The following XPO7 variants were observed in gnomAD, a reference collection of about 807,000 sequenced individuals.
The protein encoded by XPO7 is exportin 7, also known as exportin-7.
XPO7 carries 21 observed loss-of-function variants against 144.3 expected under a neutral mutation model. The observed-to-expected ratio is 0.15, with a 90% CI of 0.10 to 0.21. The LOEUF is 0.21. XPO7 is among the 10% of genes least tolerant of loss of function. The probability of loss-of-function intolerance (pLI) is 1.00; values close to 1 mark genes in which losing one functional copy is unlikely to be tolerated. For missense variants in XPO7, 808 were observed against 1,325.8 expected, an observed-to-expected ratio of 0.61 and a Z score of 6.06; for synonymous variants, 580 against 499.6, an observed-to-expected ratio of 1.16 and a Z score of -2.15.
At chr8:21,946,453 C>G (rs976720583) in intron 1 of XPO7, among the ~76,000 whole-genome samples, 1 of 151,368 alleles carries the variant, frequency 6.6e-6, no homozygotes, top group East Asian at 1.9e-4. Context: ...TCTGAAGATA[C>G]TGTTCAGATT....
intron 4 of XPO7, among the ~76,000 whole-genome samples, chr8:21,971,210 T>C (rs552621197): frequency 3.7e-4 from 57 of 152,116 alleles, no homozygotes; most frequent in Non-Finnish European, 7.1e-4. Flanking sequence ...ACCATCTAGG[T>C]TTATGTAAGT....
chr8:21,988,445 A>T (rs1264458843), intron 15 of XPO7: 1 of 155,584 alleles, frequency 6.4e-6, no homozygotes, highest in Non-Finnish European at 1.4e-5. Flanking sequence ...AGCTCAATTT[A>T]TCAAAGCACA....
rs879527821 is a variant in XPO7, at chr8:21,995,982, A to AT, written c.2345+389dup. Among the ~76,000 whole-genome samples the AT allele has an allele frequency of 7.1e-4, 108 of 151,908 alleles. 1 individual carries two copies. Among genetic ancestry groups the AT allele is most frequent in the East Asian group, 2.1e-3 (11 of 5,122 alleles). ...AGGCACCCGCCACCACACCCGGCCG[A>AT]TTTTTTGTATTTTTAGTAGAGACAG... is the stretch of plus-strand genomic sequence containing the variant. On this transcript the variant is annotated intron_variant, in intron 21 of 27. Coordinates refer to ENST00000252512, the MANE Select transcript of XPO7 (RefSeq NM_015024.5).
intron 1 of XPO7, among the ~76,000 whole-genome samples, chr8:21,934,158 T>C (rs1274499873): frequency 6.6e-6 from 1 of 152,214 alleles, no homozygotes; most frequent in Non-Finnish European, 1.5e-5. Context: ...TACCAATAAA[T>C]ATATATTTAT....
At chr8:21,947,870 T>C (rs761435070) in intron 1 of XPO7, among the ~76,000 whole-genome samples, 29 of 152,164 alleles carry the variant, frequency 1.9e-4, no homozygotes, top group Non-Finnish European at 3.1e-4. Flanking sequence ...GCTTCTCAAG[T>C]TGTATGTGCT....
intron 1 of XPO7, among the ~76,000 whole-genome samples, chr8:21,923,846 C>G (rs1810372796): frequency 6.6e-6 from 1 of 152,182 alleles, no homozygotes; most frequent in South Asian, 2.1e-4. Flanking sequence ...CAGTTTAAAC[C>G]AATAAGCTAA....
chr8:21,934,009 T>A (rs966170770), intron 1 of XPO7, among the ~76,000 whole-genome samples: 1 of 152,216 alleles, frequency 6.6e-6, no homozygotes, highest in Non-Finnish European at 1.5e-5. Flanking sequence ...GTAAACATGC[T>A]TAAGGTTTAA....
At chr8:21,963,849 A>G (rs1811804480) in intron 1 of XPO7, among the ~76,000 whole-genome samples, 1 of 152,218 alleles carries the variant, frequency 6.6e-6, no homozygotes, top group Non-Finnish European at 1.5e-5. Flanking sequence ...CTTGTCAGAC[A>G]AATTATTATA....
intron 27 of XPO7, 32 bp from the exon 28 acceptor site, chr8:22,004,963 C>T (rs778742202): frequency 3.2e-6 from 4 of 1,238,218 alleles, no homozygotes; most frequent in South Asian, 1.4e-5. Flanking sequence ...CCCCCACTCT[C>T]CTCCCCCAAC....
chr8:21,976,612 G>C, intron 7 of XPO7, 91 bp downstream of exon 7: 2 of 1,384,484 alleles, frequency 1.4e-6, no homozygotes, highest in East Asian at 5.1e-5. Flanking sequence ...CAACTCCTGT[G>C]TATTCTGAGG....
intron 18 of XPO7, 55 bp from the exon 19 acceptor site, chr8:21,991,813 G>GC: frequency 7.0e-7 from 1 of 1,422,726 alleles, no homozygotes; most frequent in Non-Finnish European, 9.6e-7. Context: ...TCCCATATAT[G>GC]CACAGCTTTG....
chr8:21,938,176 C>T (rs1315971298), intron 1 of XPO7, among the ~76,000 whole-genome samples: 2 of 152,040 alleles, frequency 1.3e-5, no homozygotes, highest in African/African-American at 4.8e-5. Flanking sequence ...TAAAACAAAC[C>T]ACAGAACCAG....
At chr8:21,952,846 T>C (rs1811415530) in intron 1 of XPO7, among the ~76,000 whole-genome samples, 1 of 152,212 alleles carries the variant, frequency 6.6e-6, no homozygotes, top group Non-Finnish European at 1.5e-5. Context: ...GTATTAAATA[T>C]TGGTTAGTAA....
intron 1 of XPO7, among the ~76,000 whole-genome samples, chr8:21,927,538 CTTTTTTTTT>C (rs576510771): frequency 2.5e-5 from 3 of 120,556 alleles, no homozygotes; most frequent in African/African-American, 3.5e-5. Context: ...AAAAACCAAC[CTTTTTTTTT>C]TTTTTTTTTT....
intron 1 of XPO7, among the ~76,000 whole-genome samples, chr8:21,956,262 C>T (rs1811532319): frequency 6.6e-6 from 1 of 152,094 alleles, no homozygotes; most frequent in Non-Finnish European, 1.5e-5. Flanking sequence ...TTCCAGTGTT[C>T]CTTTTGTGAT....
chr8:21,979,961 C>G, intron 8 of XPO7, 123 bp from the exon 9 acceptor site: 1 of 1,209,276 alleles, frequency 8.3e-7, no homozygotes, highest in Admixed American at 3.4e-5. Context: ...TTTCTTTTCT[C>G]TTTTTAAAAT....
At chr8:21,926,628 G>A (rs192512843) in intron 1 of XPO7, among the ~76,000 whole-genome samples, 197 of 71,556 alleles carry the variant, frequency 2.8e-3, no homozygotes, top group African/African-American at 5.2e-3. Context: ...CCAAAAAGAC[G>A]TTGTCTAAAA....
chr8:21,997,178 T>C (rs1812980285), intron 21 of XPO7, among the ~76,000 whole-genome samples: 1 of 152,198 alleles, frequency 6.6e-6, no homozygotes, highest in African/African-American at 2.4e-5. Context: ...CCCAGGAGAC[T>C]TATATTCAAG....
At chr8:21,969,662 A>C in intron 3 of XPO7, 86 bp downstream of exon 3, 7 of 1,231,240 alleles carry the variant, frequency 5.7e-6, no homozygotes, top group Non-Finnish European at 8.1e-6. Flanking sequence ...GTGTTTGTTC[A>C]ATGATATGCT....
Sources: allele counts gnomAD v4.1 joint callset (sites outside exome capture counted in the v4.1 genomes callset), GRCh38; gene constraint gnomAD v4.1.1; transcripts MANE v1.5; gene names NCBI Gene and HGNC (gene_info 2026-07-23, HGNC 2026-07-21).